The following NIBAN1 variants were observed in gnomAD, a reference collection of about 807,000 sequenced individuals.
NIBAN1 encodes the protein niban apoptosis regulator 1.
In NIBAN1, 81 loss-of-function variants were observed where a neutral mutation model predicts 75.1. That is an observed-to-expected ratio of 1.08 (90% confidence interval 0.90 to 1.30). The LOEUF (loss-of-function observed/expected upper bound fraction) is 1.30. Ranked by LOEUF, NIBAN1 falls within the 50% of genes most tolerant of loss-of-function variation. The pLI, the probability that NIBAN1 is intolerant of heterozygous loss-of-function variation, is 0.00. For synonymous variants in NIBAN1, 436 were observed against 424.8 expected, an observed-to-expected ratio of 1.03 and a Z score of -0.32; for missense variants, 1,133 against 1,128.1, an observed-to-expected ratio of 1.00 and a Z score of -0.06.
intron 10 of NIBAN1, among the ~76,000 whole-genome samples, chr1:184,806,762 C>CTTTTT (rs397863517): frequency 6.1e-5 from 8 of 131,204 alleles, no homozygotes; most frequent in African/African-American, 2.3e-4. Context: ...CAATATATAC[C>CTTTTT]TTTTTTTTTT....
In NIBAN1 at chr1:184,857,143, C is replaced by A. The variant is rs551727685; in HGVS notation, c.602-25181G>T. On this transcript the variant is annotated intron_variant, in intron 5 of 13. Coordinates refer to ENST00000367511, the MANE Select transcript of NIBAN1 (RefSeq NM_052966.4). Reference sequence around the variant, plus strand: ...GACATAAAACTATGTGGTTATAAAGCCTTCCAACAGATAGAGTGCAAGGTG... The same window carrying A: ...GACATAAAACTATGTGGTTATAAAGACTTCCAACAGATAGAGTGCAAGGTG... Among the ~76,000 whole-genome samples, 108 of 152,174 alleles carry A rather than the reference C, an allele frequency of 7.1e-4. 1 individual carries two copies. The highest frequency in any genetic ancestry group is 1.3e-3 in the Non-Finnish European group (88 of 68,032).
intron 1 of NIBAN1, among the ~76,000 whole-genome samples, chr1:184,966,870 T>C (rs971275283): frequency 6.6e-6 from 1 of 152,188 alleles, no homozygotes; most frequent in Non-Finnish European, 1.5e-5. Context: ...AAAAGTCACT[T>C]TGGGGCTCCT....
chr1:184,950,910 T>A (rs1658342984), intron 1 of NIBAN1, among the ~76,000 whole-genome samples: 1 of 152,220 alleles, frequency 6.6e-6, no homozygotes, highest in Admixed American at 6.5e-5. Context: ...ATCATCAGCA[T>A]CTTTCTGCTC....
intron 1 of NIBAN1, among the ~76,000 whole-genome samples, chr1:184,905,069 G>T (rs193111485): frequency 1.4e-4 from 21 of 152,270 alleles, no homozygotes; most frequent in African/African-American, 4.8e-4. Flanking sequence ...AGTGGGAGGG[G>T]GAGTGCCAGG....
At chr1:184,962,602 G>A (rs1364026585) in intron 1 of NIBAN1, among the ~76,000 whole-genome samples, 1 of 152,100 alleles carries the variant, frequency 6.6e-6, no homozygotes, top group East Asian at 1.9e-4. Context: ...CTCCCTGTAT[G>A]GGACAGGAAA....
chr1:184,914,854 T>C (rs1446107351), intron 1 of NIBAN1, among the ~76,000 whole-genome samples: 1 of 151,880 alleles, frequency 6.6e-6, no homozygotes, highest in Non-Finnish European at 1.5e-5. Flanking sequence ...TCCTGAGTAG[T>C]TGGGACTACA....
chr1:184,917,377 T>TTC (rs1472055108), intron 1 of NIBAN1, among the ~76,000 whole-genome samples: 1 of 145,518 alleles, frequency 6.9e-6, no homozygotes, highest in Non-Finnish European at 1.5e-5. Context: ...AATTTTTTTT[T>TTC]TTTTTTTTTT....
intron 5 of NIBAN1, among the ~76,000 whole-genome samples, chr1:184,840,956 A>AGT (rs57091998): frequency 0.47 from 69,714 of 147,908 alleles, 16,265 homozygotes; most frequent in Middle Eastern, 0.52. Context: ...AAAGAGTGTG[A>AGT]GTGTGTGTGT....
chr1:184,924,116 G>A (rs1447404167), intron 1 of NIBAN1, among the ~76,000 whole-genome samples: 1 of 151,988 alleles, frequency 6.6e-6, no homozygotes, highest in Non-Finnish European at 1.5e-5. Context: ...ACTATGTTGA[G>A]TAACAGTTAT....
intron 13 of NIBAN1, among the ~76,000 whole-genome samples, chr1:184,797,111 C>T (rs1653894410): frequency 6.7e-6 from 1 of 149,842 alleles, no homozygotes; most frequent in Non-Finnish European, 1.5e-5. Flanking sequence ...GTTTCAGGTC[C>T]ACAGTTTGAT....
chr1:184,831,294 ATTTG>A (rs973014756), intron 6 of NIBAN1, among the ~76,000 whole-genome samples: 12 of 152,202 alleles, frequency 7.9e-5, no homozygotes, highest in Non-Finnish European at 1.5e-4. Flanking sequence ...TGCTTTTTGA[ATTTG>A]TTTTTTTCAT....
chr1:184,814,979 T>C (rs751363657), intron 9 of NIBAN1, among the ~76,000 whole-genome samples: 1 of 152,198 alleles, frequency 6.6e-6, no homozygotes, highest in African/African-American at 2.4e-5. Context: ...ATGGAAAAGA[T>C]AAAATAATCC....
intron 1 of NIBAN1, among the ~76,000 whole-genome samples, chr1:184,921,021 C>T (rs1657519012): frequency 6.6e-6 from 1 of 151,104 alleles, no homozygotes; most frequent in East Asian, 2.0e-4. Context: ...CCCAGCTACT[C>T]AGGAGGCTGA....
At chr1:184,798,265 C>A (rs572206260) in intron 12 of NIBAN1, 75 bp from the exon 13 acceptor site, 1 of 852,172 alleles carries the variant, frequency 1.2e-6, no homozygotes, top group Non-Finnish European at 1.8e-6. Context: ...ACAGAAAGGA[C>A]GATTCCCACT....
chr1:184,898,121 G>A (rs954092092), intron 2 of NIBAN1, among the ~76,000 whole-genome samples: 1 of 152,170 alleles, frequency 6.6e-6, no homozygotes, highest in Non-Finnish European at 1.5e-5. Flanking sequence ...TCTCTCTGCT[G>A]TCATTGTTCC....
At position 184,806,625 on chromosome 1, in the gene NIBAN1, C is replaced by T. The variant is rs1463378561; in HGVS notation, c.1336-569G>A. ...GCTAAACTGTTGCCCAATTTTGTTCCTCGTTCCTCTTTCATCCCTCACAAC... is the reference window on the plus strand; with the variant it reads ...GCTAAACTGTTGCCCAATTTTGTTCTTCGTTCCTCTTTCATCCCTCACAAC... On this transcript the variant is annotated intron_variant, in intron 10 of 13. Coordinates refer to ENST00000367511, the MANE Select transcript of NIBAN1 (RefSeq NM_052966.4). 2.0e-5 allele frequency among the ~76,000 whole-genome samples: 3 copies of T among 152,264 alleles called. No homozygotes were observed. The East Asian group carries it at 5.8e-4, about 29-fold the overall frequency.
intron 6 of NIBAN1, among the ~76,000 whole-genome samples, chr1:184,830,175 C>T (rs1654958201): frequency 6.6e-6 from 1 of 152,226 alleles, no homozygotes; most frequent in African/African-American, 2.4e-5. Context: ...ACAATAACTG[C>T]CTTACCCATC....
At chr1:184,854,527 C>T (rs1016459329) in intron 5 of NIBAN1, among the ~76,000 whole-genome samples, 7 of 152,192 alleles carry the variant, frequency 4.6e-5, no homozygotes, top group East Asian at 1.9e-4. Context: ...TTATATCTCA[C>T]TCATAAACCC....
rs1654608998 is a variant in NIBAN1, at chr1:184,818,758, C to T, written c.1053G>A (p.Leu351=). The part of the protein sequence containing the change: ...ESVQPFLASI[L]EELMGPVSSG... The stretch of plus-strand genomic sequence containing the variant: ...AGCTCACTGGTCCCATGAGCTCCTC[C>T]AGGATGGATGCCAGGAATGGCTGCA... Residue 351 remains leucine, a synonymous_variant, in exon 9 of 14, where the codon CTG becomes CTA. Transcript: ENST00000367511. 1 of 1,612,878 alleles carries T rather than the reference C, an allele frequency of 6.2e-7. No individual in the cohort carries two copies. Among genetic ancestry groups the T allele is most frequent in the South Asian group, 1.1e-5 (1 of 90,998 alleles).
Sources: allele counts gnomAD v4.1 joint callset (sites outside exome capture counted in the v4.1 genomes callset), GRCh38; gene constraint gnomAD v4.1.1; transcripts MANE v1.5; gene names NCBI Gene and HGNC (gene_info 2026-07-23, HGNC 2026-07-21).